Variants in MBD5 observed in about 807,000 individuals in gnomAD.
The protein encoded by MBD5 is methyl-CpG-binding domain protein 5.
In MBD5, 13 loss-of-function variants were observed where a neutral mutation model predicts 117.3. That is an observed-to-expected ratio of 0.11 (90% CI 0.07 to 0.18). MBD5 has a LOEUF of 0.18. MBD5 is among the 10% of genes least tolerant of loss of function. The pLI, the probability that MBD5 is intolerant of heterozygous loss-of-function variation, is 1.00. For synonymous variants in MBD5, 727 were observed against 766.4 expected (o/e 0.95, Z 0.85); for missense variants, 1,879 against 2,093.8 (o/e 0.90, Z 2.00).
chr2:148,352,359 A>G (rs879388222), intron 4 of MBD5, among the ~76,000 whole-genome samples: 75 of 152,050 alleles, frequency 4.9e-4, no homozygotes, highest in African/African-American at 1.8e-3. Context: ...AATAATACAG[A>G]CATATGGTGT....
intron 1 of MBD5, among the ~76,000 whole-genome samples, chr2:148,049,820 T>A (rs1262288550): frequency 6.6e-6 from 1 of 152,210 alleles, no homozygotes; most frequent in Admixed American, 6.5e-5. Flanking sequence ...ATATAATATG[T>A]GGCCTTTTGT....
intron 1 of MBD5, among the ~76,000 whole-genome samples, chr2:148,048,914 G>A (rs527498674): frequency 6.6e-6 from 1 of 152,250 alleles, no homozygotes; most frequent in South Asian, 2.1e-4. Flanking sequence ...TGTTGGAATA[G>A]TCTAGTCCAC....
At chr2:148,207,755 T>C (rs1699323021) in intron 2 of MBD5, among the ~76,000 whole-genome samples, 1 of 151,814 alleles carries the variant, frequency 6.6e-6, no homozygotes, top group Admixed American at 6.6e-5. Flanking sequence ...TATACCTGCG[T>C]TCATCACCCA....
intron 3 of MBD5, among the ~76,000 whole-genome samples, chr2:148,269,517 T>C (rs993689590): frequency 2.0e-5 from 3 of 151,876 alleles, no homozygotes; most frequent in Non-Finnish European, 2.9e-5. Context: ...AAATCATTTT[T>C]CTCACAACTT....
At chr2:148,149,209 G>A (rs1371564481) in intron 1 of MBD5, among the ~76,000 whole-genome samples, 2 of 140,442 alleles carry the variant, frequency 1.4e-5, no homozygotes, top group East Asian at 2.0e-4. Flanking sequence ...TTGTTCTTGC[G>A]ATAGTTTACT....
At chr2:148,456,742 C>T (rs1182330313) in intron 4 of MBD5, among the ~76,000 whole-genome samples, 2 of 152,030 alleles carry the variant, frequency 1.3e-5, no homozygotes, top group African/African-American at 2.4e-5. Context: ...AAATTTTTCC[C>T]AGTAAATTTT....
intron 3 of MBD5, among the ~76,000 whole-genome samples, chr2:148,296,863 A>ATTTT (rs1559010681): frequency 0.018 from 654 of 37,234 alleles, 11 homozygotes; most frequent in Non-Finnish European, 0.029. Flanking sequence ...TTAGTTCTTC[A>ATTTT]ATTTTTTTTT....
At chr2:148,477,645 A>G (rs569304566) in intron 8 of MBD5, among the ~76,000 whole-genome samples, 1 of 152,246 alleles carries the variant, frequency 6.6e-6, no homozygotes, top group Admixed American at 6.5e-5. Flanking sequence ...AAAATTTACT[A>G]TTTCAATGGG....
chr2:148,103,954 A>T (rs1696300462), intron 1 of MBD5, among the ~76,000 whole-genome samples: 1 of 152,208 alleles, frequency 6.6e-6, no homozygotes, highest in African/African-American at 2.4e-5. Flanking sequence ...GCAGTATGGC[A>T]TATGTGTGCA....
intron 2 of MBD5, among the ~76,000 whole-genome samples, chr2:148,195,205 A>C (rs1698950202): frequency 6.6e-6 from 1 of 151,982 alleles, no homozygotes; most frequent in Non-Finnish European, 1.5e-5. Flanking sequence ...GTAGGTTAAA[A>C]GTTAAAGGAT....
chr2:148,139,449 G>C (rs1558941883), intron 1 of MBD5, among the ~76,000 whole-genome samples: 1 of 152,028 alleles, frequency 6.6e-6, no homozygotes, highest in Non-Finnish European at 1.5e-5. Flanking sequence ...CGGGTGATCT[G>C]CCCGAGGCCT....
intron 6 of MBD5, among the ~76,000 whole-genome samples, chr2:148,463,254 T>C (rs138475526): frequency 6.2e-4 from 94 of 152,248 alleles, no homozygotes; most frequent in African/African-American, 2.2e-3. Flanking sequence ...CATTTGTGTG[T>C]CACCGCATTC....
chr2:148,130,060 G>A (rs938862974), intron 1 of MBD5, among the ~76,000 whole-genome samples: 10 of 152,128 alleles, frequency 6.6e-5, no homozygotes, highest in African/African-American at 2.4e-4. Context: ...GCTGACCTCT[G>A]TAGGCCTTAA....
At chr2:148,294,514 T>TGTTTTTTTTTTTTTGTTTTTTTTG in intron 3 of MBD5, among the ~76,000 whole-genome samples, 1 of 138,788 alleles carries the variant, frequency 7.2e-6, no homozygotes, top group East Asian at 2.0e-4. Flanking sequence ...TTTTTTTTTT[T>TGTTTTTTTTTTTTTGTTTTTTTTG]TTTTTTTGAG....
chr2:148,107,727 T>C (rs1000737507), intron 1 of MBD5, among the ~76,000 whole-genome samples: 1 of 152,118 alleles, frequency 6.6e-6, no homozygotes, highest in African/African-American at 2.4e-5. Context: ...GAAACAGTTA[T>C]ATTGTATGTA....
intron 1 of MBD5, among the ~76,000 whole-genome samples, chr2:148,083,171 C>A (rs1695690824): frequency 6.6e-6 from 1 of 152,178 alleles, no homozygotes; most frequent in African/African-American, 2.4e-5. Context: ...GCTTATTAAC[C>A]ATCCAATATT....
chr2:148,258,091 A>G (rs1700632934), intron 3 of MBD5, among the ~76,000 whole-genome samples: 1 of 152,092 alleles, frequency 6.6e-6, no homozygotes. Context: ...CCATCTGGCA[A>G]GCAGTATTGA....
At chr2:148,266,078 A>G (rs1700852752) in intron 3 of MBD5, among the ~76,000 whole-genome samples, 1 of 152,204 alleles carries the variant, frequency 6.6e-6, no homozygotes. Flanking sequence ...AATCAGGCAA[A>G]GATAATACAA....
intron 1 of MBD5, among the ~76,000 whole-genome samples, chr2:148,126,571 T>C (rs1696902570): frequency 6.6e-6 from 1 of 152,150 alleles, no homozygotes; most frequent in Non-Finnish European, 1.5e-5. Context: ...ATATTCTCCA[T>C]ACACACCAAA....
Sources: gnomAD v4.1 joint callset for allele counts (sites outside exome capture counted in the v4.1 genomes callset) on GRCh38, gnomAD v4.1.1 for gene constraint, MANE v1.5 for transcripts, NCBI Gene and HGNC (gene_info 2026-07-23, HGNC 2026-07-21) for gene names.